The following MAPK10 variants were observed in gnomAD, a reference collection of about 807,000 sequenced individuals.
The protein encoded by MAPK10 is mitogen-activated protein kinase 10.
Under a neutral mutation model 59.3 loss-of-function variants are expected in MAPK10, and 25 were observed. That is an observed-to-expected ratio of 0.42 (90% CI 0.31 to 0.59). The LOEUF is 0.59. Among genes scored for constraint, MAPK10 ranks in the 20% least tolerant of loss-of-function variants. The pLI, the probability that MAPK10 is intolerant of heterozygous loss-of-function variation, is 0.15. For missense variants in MAPK10, 351 were observed against 568.9 expected (o/e 0.62, Z 3.90); for synonymous variants, 190 against 200.5 (o/e 0.95, Z 0.44).
chr4:86,306,187 A>T (rs1024315012), intron 2 of MAPK10, among the ~76,000 whole-genome samples: 5 of 152,242 alleles, frequency 3.3e-5, no homozygotes, highest in African/African-American at 1.2e-4. Context: ...AAACGTTAGC[A>T]AAATTAATGT....
At chr4:86,115,948 A>G (rs1444237197) in intron 4 of MAPK10, among the ~76,000 whole-genome samples, 1 of 152,260 alleles carries the variant, frequency 6.6e-6, no homozygotes, top group African/African-American at 2.4e-5. Context: ...CAGCACAGAT[A>G]AAGAGCCAAG....
At chr4:86,119,021 T>C (rs1160271855) in intron 4 of MAPK10, among the ~76,000 whole-genome samples, 1 of 152,200 alleles carries the variant, frequency 6.6e-6, no homozygotes, top group Non-Finnish European at 1.5e-5. Flanking sequence ...AGAGAGGCTT[T>C]TTTTAGTTTT....
intron 2 of MAPK10, among the ~76,000 whole-genome samples, chr4:86,350,090 C>T (rs537128411): frequency 2.6e-5 from 4 of 152,254 alleles, no homozygotes; most frequent in African/African-American, 9.6e-5. Context: ...CTTGCTCTGT[C>T]GCCCAGGTTG....
chr4:86,553,864 A>G (rs1218181505), intron 1 of MAPK10, among the ~76,000 whole-genome samples: 1 of 150,432 alleles, frequency 6.6e-6, no homozygotes, highest in Non-Finnish European at 1.5e-5. Context: ...TTTCTTTAAT[A>G]GTTCCTTCTC....
At chr4:86,570,237 T>C (rs977235709) in intron 1 of MAPK10, among the ~76,000 whole-genome samples, 27 of 152,174 alleles carry the variant, frequency 1.8e-4, no homozygotes, top group African/African-American at 5.8e-4. Flanking sequence ...CTCAGCAAAC[T>C]ACACTGCATG....
At chr4:86,346,838 A>T (rs1728542332) in intron 2 of MAPK10, among the ~76,000 whole-genome samples, 1 of 151,946 alleles carries the variant, frequency 6.6e-6, no homozygotes, top group Non-Finnish European at 1.5e-5. Context: ...TTTTTGCTAA[A>T]TATATTTTAT....
chr4:86,359,289 T>TCTCTCTCC (rs1491241812), intron 1 of MAPK10, among the ~76,000 whole-genome samples: 2 of 100,016 alleles, frequency 2.0e-5, no homozygotes, highest in Admixed American at 9.8e-5. Context: ...TCTCTCTCTC[T>TCTCTCTCC]GTGTGTGTGT....
At chr4:86,117,495 T>C (rs760460218) in intron 4 of MAPK10, 1 of 152,234 alleles carries the variant, frequency 6.6e-6, no homozygotes, top group Non-Finnish European at 1.5e-5. Context: ...TTTGGCTGTC[T>C]TGAATTGTGT....
chr4:86,498,886 T>C (rs1755092340), intron 1 of MAPK10, among the ~76,000 whole-genome samples: 1 of 152,130 alleles, frequency 6.6e-6, no homozygotes, highest in Non-Finnish European at 1.5e-5. Context: ...TCAAAGAAAG[T>C]AAAATAACAA....
chr4:86,377,757 G>A (rs749825444), intron 1 of MAPK10, among the ~76,000 whole-genome samples: 1 of 151,922 alleles, frequency 6.6e-6, no homozygotes, highest in East Asian at 1.9e-4. Flanking sequence ...TATTAGTCAG[G>A]GTTCTCTAGA....
intron 3 of MAPK10, among the ~76,000 whole-genome samples, chr4:86,172,541 A>G (rs2074517431): frequency 6.8e-6 from 1 of 147,580 alleles, no homozygotes. Flanking sequence ...ACATGGACAC[A>G]GGAAGGGGAA....
rs906133195 is a variant in MAPK10 at position 86,097,118 on chromosome 4, T to C, written c.802+1406A>G. On this transcript the variant is annotated intron_variant, in intron 9 of 13. Transcript: ENST00000641462. Reference sequence around the variant, plus strand: ...CTTAACACAAGCTATATAAGATTATTAGTAATATATTTTACATGCTTTTAA... The same window carrying C: ...CTTAACACAAGCTATATAAGATTATCAGTAATATATTTTACATGCTTTTAA... 2.9e-4 allele frequency among the ~76,000 whole-genome samples: 44 copies of C among 152,044 alleles called. 1 individual carries two copies. The highest frequency in any genetic ancestry group is 2.9e-3 in the Admixed American group (44 of 15,236).
At chr4:86,375,745 T>TAAAAAAAAAAAAAAA (rs1739702852) in intron 1 of MAPK10, among the ~76,000 whole-genome samples, 1 of 99,562 alleles carries the variant, frequency 1.0e-5, no homozygotes, top group Non-Finnish European at 2.1e-5. Context: ...AAAAAAAAAT[T>TAAAAAAAAAAAAAAA]AAATGGAAAG....
At chr4:86,531,320 C>A (rs1757836886) in intron 1 of MAPK10, among the ~76,000 whole-genome samples, 1 of 152,200 alleles carries the variant, frequency 6.6e-6, no homozygotes, top group Non-Finnish European at 1.5e-5. Flanking sequence ...GATACATTCA[C>A]ATCCCCTCGA....
At chr4:86,206,291 C>T (rs1275245196) in intron 2 of MAPK10, among the ~76,000 whole-genome samples, 17 of 150,780 alleles carry the variant, frequency 1.1e-4, no homozygotes, top group South Asian at 6.4e-4. Context: ...TGAGAATATG[C>T]GGTGTTTGGT....
intron 3 of MAPK10, among the ~76,000 whole-genome samples, chr4:86,191,099 G>A (rs907859492): frequency 1.3e-5 from 2 of 152,116 alleles, no homozygotes; most frequent in Admixed American, 6.6e-5. Flanking sequence ...ATTGCACTGT[G>A]GTCTGAAAGA....
rs1418045068 is a variant in MAPK10, at chr4:86,139,179, C to G, written c.236+20119G>C. Among the ~76,000 whole-genome samples, 3 of 143,568 alleles carry G rather than the reference C, an allele frequency of 2.1e-5. No individual in the cohort carries two copies. In the Admixed American group the frequency reaches 2.1e-4, roughly 10 times the overall value. The allele number at this position is 143,568 out of a possible 152,430, so 94.2% of individuals were successfully genotyped here. The stretch of plus-strand genomic sequence containing the variant: ...ACTTTCTTCACAGAATTGGAAAAAA[C>G]TACTTTAAAGTTCATATGGAACCAA... On this transcript the variant is annotated intron_variant, in intron 4 of 13. Transcript: ENST00000641462.
intron 11 of MAPK10, among the ~76,000 whole-genome samples, chr4:86,052,264 TA>T (rs1295831059): frequency 5.3e-5 from 8 of 152,146 alleles, no homozygotes; most frequent in African/African-American, 1.9e-4. Context: ...AAACGTGTAT[TA>T]AATCTTTTTG....
intron 1 of MAPK10, among the ~76,000 whole-genome samples, chr4:86,551,525 ATCTTTCCTTCCTTCCTTCCTTCCT>A (rs1284226545): frequency 6.6e-6 from 1 of 151,346 alleles, no homozygotes; most frequent in Admixed American, 6.6e-5. Context: ...TCTTCCTTCC[ATCTTTCCTTCCTTCCTTCCTTCCT>A]TCTTTCCTTC....
Sources: allele counts gnomAD v4.1 joint callset (sites outside exome capture counted in the v4.1 genomes callset), GRCh38; gene constraint gnomAD v4.1.1; transcripts MANE v1.5; gene names NCBI Gene and HGNC (gene_info 2026-07-23, HGNC 2026-07-21).